The following SLC25A13 variants were observed in gnomAD, a reference collection of about 807,000 sequenced individuals.
SLC25A13 encodes the protein electrogenic aspartate/glutamate antiporter SLC25A13, mitochondrial.
A neutral mutation model predicts 85.5 loss-of-function variants in SLC25A13; 70 were observed. That is an observed-to-expected ratio of 0.82 (90% CI 0.68 to 1.00). SLC25A13 has a LOEUF of 1.00. Ranked by LOEUF, SLC25A13 falls within the 50% of genes least tolerant of loss-of-function variation. SLC25A13 has a pLI of 0.00. For synonymous variants in SLC25A13, 259 were observed against 288.7 expected, an observed-to-expected ratio of 0.90 and a Z score of 1.04; for missense variants, 765 against 819.8, an observed-to-expected ratio of 0.93 and a Z score of 0.82.
Position 96,193,001 on chromosome 7 carries a change from A to G in SLC25A13, c.615+36T>C, listed in dbSNP as rs56773234. The G allele has an allele frequency of 2.1e-3, 3,354 of 1,608,204 alleles. 69 individuals are homozygous for G. The African/African-American group carries it at 0.04, about 19-fold the overall frequency. On this transcript the variant is annotated intron_variant, in intron 6 of 17. Coordinates refer to ENST00000265631, the MANE Select transcript of SLC25A13 (RefSeq NM_014251.3). ...TGTTTTTATAATTCCTTATTTACTG[A>G]GTTAAACCACTTCATTAGGGCAAGT...
intron 4 of SLC25A13, chr7:96,219,877 T>C: frequency 5.0e-6 from 2 of 399,446 alleles, no homozygotes; most frequent in East Asian, 1.2e-4. Flanking sequence ...GGCAGATATT[T>C]AGCGTAAGAT....
chr7:96,216,614 T>C (rs1051809453), intron 4 of SLC25A13, among the ~76,000 whole-genome samples: 3 of 152,180 alleles, frequency 2.0e-5, no homozygotes, highest in Non-Finnish European at 4.4e-5. Flanking sequence ...TCGACGGAGC[T>C]GGAGGCCGTT....
At chr7:96,216,832 C>T (rs187975272) in intron 4 of SLC25A13, among the ~76,000 whole-genome samples, 9 of 151,884 alleles carry the variant, frequency 5.9e-5, no homozygotes, top group Middle Eastern at 6.8e-3. Context: ...ATAATTTGTA[C>T]GACAAACCCC....
chr7:96,241,094 GAAAGAAAGA>G (rs1562870915), intron 3 of SLC25A13, among the ~76,000 whole-genome samples: 6 of 136,806 alleles, frequency 4.4e-5, no homozygotes, highest in Admixed American at 1.5e-4. Flanking sequence ...AAGAAAGAAA[GAAAGAAAGA>G]AAGGCACTTT....
intron 14 of SLC25A13, among the ~76,000 whole-genome samples, chr7:96,142,287 C>G (rs1792598011): frequency 6.6e-6 from 1 of 152,162 alleles, no homozygotes; most frequent in Non-Finnish European, 1.5e-5. Context: ...TCTTTCCCTT[C>G]CTCCTGTTGG....
At chr7:96,211,630 C>CCG (rs2116727550) in intron 4 of SLC25A13, among the ~76,000 whole-genome samples, 1 of 152,296 alleles carries the variant, frequency 6.6e-6, no homozygotes, top group African/African-American at 2.4e-5. Context: ...ATGGCTGGCA[C>CCG]AGTGGTAGGC....
Position 96,249,902 on chromosome 7 carries a change from G to C in SLC25A13, c.213-14985C>G, listed in dbSNP as rs140722059. 7.9e-3 allele frequency among the ~76,000 whole-genome samples: 1,148 copies of C among 144,942 alleles called. 8 individuals are homozygous for C. Among genetic ancestry groups the C allele is most frequent in the Admixed American group, 0.012 (179 of 14,420 alleles). ...AGCAAAAAAAAAAAAAAAAACTCTA[G>C]GCCAGGCATGGTGGCTCACGCCTGT... On this transcript the variant is annotated intron_variant, in intron 3 of 17. Coordinates refer to ENST00000265631, the MANE Select transcript of SLC25A13 (RefSeq NM_014251.3).
intron 3 of SLC25A13, among the ~76,000 whole-genome samples, chr7:96,235,560 T>C (rs575273766): frequency 6.6e-6 from 1 of 152,320 alleles, no homozygotes; most frequent in South Asian, 2.1e-4. Flanking sequence ...GCATTTGAGC[T>C]AGGCCTTAAA....
intron 3 of SLC25A13, among the ~76,000 whole-genome samples, chr7:96,268,223 A>G (rs1300737333): frequency 1.3e-5 from 2 of 152,220 alleles, no homozygotes; most frequent in Non-Finnish European, 2.9e-5. Context: ...ACGAGATAAC[A>G]GTCAGTAACA....
intron 3 of SLC25A13, among the ~76,000 whole-genome samples, chr7:96,244,981 C>T (rs1026001335): frequency 2.0e-5 from 3 of 151,954 alleles, no homozygotes; most frequent in African/African-American, 4.8e-5. Flanking sequence ...TATAGGCTCT[C>T]GTAATTGTGA....
At chr7:96,255,537 T>C (rs1053929952) in intron 3 of SLC25A13, among the ~76,000 whole-genome samples, 3 of 151,938 alleles carry the variant, frequency 2.0e-5, no homozygotes, top group African/African-American at 7.3e-5. Context: ...AATTTAAAAA[T>C]TTAGCCAGCC....
At chr7:96,189,420 T>C (rs1459676919) in intron 8 of SLC25A13, 42 bp from the exon 9 acceptor site, 1 of 1,579,268 alleles carries the variant, frequency 6.3e-7, no homozygotes, top group East Asian at 2.2e-5. Flanking sequence ...TATACCAATT[T>C]ATTACAATTT....
Position 96,126,919 on chromosome 7 carries a change from T to C in SLC25A13, c.1591+4824A>G, listed in dbSNP as rs1195157423. 2.0e-5 allele frequency among the ~76,000 whole-genome samples: 3 copies of C among 151,514 alleles called. No individual in the cohort carries two copies. The East Asian group carries it at 5.9e-4, about 30-fold the overall frequency. On this transcript the variant is annotated intron_variant, in intron 15 of 17. Coordinates refer to ENST00000265631, the MANE Select transcript of SLC25A13 (RefSeq NM_014251.3). ...AACTTAAGCTTTATGTCCACATAATTAACAAATTTGTACCAACAGTAGTTT... is the reference window on the plus strand; with the variant it reads ...AACTTAAGCTTTATGTCCACATAATCAACAAATTTGTACCAACAGTAGTTT...
At chr7:96,298,580 T>C (rs1197628089) in intron 1 of SLC25A13, among the ~76,000 whole-genome samples, 2 of 152,120 alleles carry the variant, frequency 1.3e-5, no homozygotes, top group Non-Finnish European at 2.9e-5. Flanking sequence ...ATTATAGGCA[T>C]GCACCACCAT....
In SLC25A13 at chr7:96,205,840, ACT is replaced by A. The variant is rs1361442380; in HGVS notation, c.468+2996_468+2997del. The stretch of plus-strand genomic sequence containing the variant: ...CCTTAGTGGGTGGGGACCTGTCCAG[ACT>A]CTACACAGATAAACACATGACCCAA... On this transcript the variant is annotated intron_variant, in intron 5 of 17. Transcript: ENST00000265631. Among the ~76,000 whole-genome samples the A allele has an allele frequency of 4.6e-5, 7 of 152,174 alleles. No homozygotes were observed. The East Asian group carries it at 1.2e-3, about 25-fold the overall frequency.
intron 3 of SLC25A13, among the ~76,000 whole-genome samples, chr7:96,253,602 G>T (rs1584516754): frequency 6.6e-6 from 1 of 152,164 alleles, no homozygotes; most frequent in Non-Finnish European, 1.5e-5. Context: ...TATCAGGACA[G>T]CAGTTAGCAG....
In SLC25A13 at chr7:96,121,039, G is replaced by A; in HGVS notation, c.*152C>T. 1.1e-6 allele frequency: 1 copy of A among 871,348 alleles called. No individual in the cohort carries two copies. The highest frequency in any genetic ancestry group is 1.9e-6 in the Non-Finnish European group (1 of 536,616). The allele number at this position is 871,348 out of a possible 1,614,324, so 54.0% of individuals were successfully genotyped here. A position where few individuals can be genotyped will look rare whatever the true frequency, so the allele number is the denominator to read the frequency against. On this transcript the variant is annotated 3_prime_UTR_variant, in exon 18 of 18. Coordinates refer to ENST00000265631, the MANE Select transcript of SLC25A13 (RefSeq NM_014251.3). ...AATGATCTGGTTAAGAAAACACCCA[G>A]AAAATGAATGATTTCACATGATAAA... is the stretch of plus-strand genomic sequence containing the variant.
chr7:96,160,441 T>C (rs1419109053), intron 13 of SLC25A13, among the ~76,000 whole-genome samples: 2 of 152,320 alleles, frequency 1.3e-5, no homozygotes, highest in African/African-American at 4.8e-5. Context: ...ACTACGTGGC[T>C]TATAAACAAC....
At chr7:96,185,373 G>A (rs1029117127) in intron 9 of SLC25A13, among the ~76,000 whole-genome samples, 11 of 151,968 alleles carry the variant, frequency 7.2e-5, no homozygotes, top group South Asian at 2.1e-4. Flanking sequence ...TGAGGCGGGC[G>A]GATTACCTGA....
Sources: allele counts gnomAD v4.1 joint callset (sites outside exome capture counted in the v4.1 genomes callset), GRCh38; gene constraint gnomAD v4.1.1; transcripts MANE v1.5; gene names NCBI Gene and HGNC (gene_info 2026-07-23, HGNC 2026-07-21).